The following GPC5 variants were observed in gnomAD, a reference collection of about 807,000 sequenced individuals.
The protein encoded by GPC5 is glypican 5, also known as glypican-5.
In GPC5, 47 loss-of-function variants were observed where a neutral mutation model predicts 53.9. The ratio of observed to expected loss-of-function variants is 0.87; its 90% CI spans 0.69 to 1.11. The LOEUF is 1.11. Ranked by LOEUF, GPC5 falls within the 50% of genes most tolerant of loss-of-function variation. The pLI is 0.00. For synonymous variants in GPC5, 286 were observed against 263.3 expected (o/e 1.09, Z -0.84); for missense variants, 748 against 713.1 (o/e 1.05, Z -0.56).
intron 7 of GPC5, among the ~76,000 whole-genome samples, chr13:92,513,978 T>A (rs574856918): frequency 1.3e-5 from 2 of 152,232 alleles, no homozygotes; most frequent in Admixed American, 1.3e-4. Context: ...TTAAAGCTGC[T>A]CAACTTGTCT....
Position 92,206,461 on chromosome 13 carries a change from T to C in GPC5, c.1561+61472T>C, listed in dbSNP as rs575074574. Among the ~76,000 whole-genome samples, 289 of 151,806 alleles carry C rather than the reference T, an allele frequency of 1.9e-3. 1 individual carries two copies. Among genetic ancestry groups the C allele is most frequent in the African/African-American group, 6.7e-3 (276 of 41,480 alleles). ...AGCTCGGCTCCCAAAGTGCGGTGGC[T>C]GGAATGCAGCCACCGCACCCGGCTG... On this transcript the variant is annotated intron_variant, in intron 7 of 7. Coordinates refer to ENST00000377067, the MANE Select transcript of GPC5 (RefSeq NM_004466.6).
chr13:91,765,311 T>G (rs576439066), intron 5 of GPC5, among the ~76,000 whole-genome samples: 2 of 152,360 alleles, frequency 1.3e-5, no homozygotes, highest in African/African-American at 4.8e-5. Context: ...TGCTTTGTTC[T>G]CTTCAACTTC....
At chr13:92,159,573 T>C (rs574745789) in intron 7 of GPC5, among the ~76,000 whole-genome samples, 1 of 149,544 alleles carries the variant, frequency 6.7e-6, no homozygotes, top group African/African-American at 2.4e-5. Flanking sequence ...CTGCTCTATG[T>C]AATCACTAAT....
At chr13:92,297,832 T>C (rs2043047983) in intron 7 of GPC5, among the ~76,000 whole-genome samples, 1 of 152,058 alleles carries the variant, frequency 6.6e-6, no homozygotes. Context: ...TTGCTCTTGC[T>C]ACTGCTCACT....
At chr13:92,091,811 G>A (rs1420782920) in intron 6 of GPC5, among the ~76,000 whole-genome samples, 1 of 149,608 alleles carries the variant, frequency 6.7e-6, no homozygotes, top group Non-Finnish European at 1.5e-5. Flanking sequence ...TTTAGTCACT[G>A]TAAATCACAA....
At chr13:92,839,263 A>T (rs1878337794) in intron 7 of GPC5, among the ~76,000 whole-genome samples, 1 of 152,204 alleles carries the variant, frequency 6.6e-6, no homozygotes. Context: ...CCTTCTAGTG[A>T]GTCAGAAATA....
At chr13:91,424,918 A>G (rs1006504478) in intron 1 of GPC5, among the ~76,000 whole-genome samples, 1 of 152,208 alleles carries the variant, frequency 6.6e-6, no homozygotes, top group African/African-American at 2.4e-5. Context: ...TGTTGAACCA[A>G]TACAGAATTA....
chr13:91,677,417 C>T (rs1359452798), intron 2 of GPC5, among the ~76,000 whole-genome samples: 1 of 151,948 alleles, frequency 6.6e-6, no homozygotes, highest in Non-Finnish European at 1.5e-5. Context: ...GCTATAAGGC[C>T]ATGATATTTT....
intron 7 of GPC5, among the ~76,000 whole-genome samples, chr13:92,382,201 T>G (rs540327179): frequency 6.6e-6 from 1 of 151,858 alleles, no homozygotes; most frequent in African/African-American, 2.4e-5. Flanking sequence ...TACAATGGAC[T>G]TTGGGGACTT....
intron 7 of GPC5, among the ~76,000 whole-genome samples, chr13:92,847,229 T>C (rs542822138): frequency 5.9e-5 from 9 of 152,296 alleles, no homozygotes; most frequent in African/African-American, 2.2e-4. Flanking sequence ...AAACTTCTGC[T>C]TTGCAAAGAG....
chr13:91,936,638 G>C (rs1372925421), intron 6 of GPC5, among the ~76,000 whole-genome samples: 2 of 151,980 alleles, frequency 1.3e-5, no homozygotes, highest in Non-Finnish European at 2.9e-5. Context: ...CCATTGTTTA[G>C]AGAGAATAGG....
At chr13:92,073,763 G>T (rs1335633641) in intron 6 of GPC5, among the ~76,000 whole-genome samples, 1 of 152,162 alleles carries the variant, frequency 6.6e-6, no homozygotes, top group East Asian at 1.9e-4. Context: ...GAAGTCAGTT[G>T]TAGCCCTGTA....
intron 7 of GPC5, among the ~76,000 whole-genome samples, chr13:92,803,571 T>C (rs538974688): frequency 2.0e-5 from 3 of 152,050 alleles, no homozygotes; most frequent in African/African-American, 7.2e-5. Context: ...GAAATAATTA[T>C]TTATCACCTA....
intron 7 of GPC5, among the ~76,000 whole-genome samples, chr13:92,404,641 T>G (rs1349730353): frequency 7.6e-6 from 1 of 131,546 alleles, no homozygotes; most frequent in African/African-American, 2.9e-5. Context: ...ATGGTTTACA[T>G]TCTTATTCCT....
At chr13:92,819,260 C>A (rs1307566178) in intron 7 of GPC5, among the ~76,000 whole-genome samples, 2 of 149,820 alleles carry the variant, frequency 1.3e-5, no homozygotes, top group Non-Finnish European at 2.9e-5. Flanking sequence ...GTAGAAGATA[C>A]CTAGCACATA....
intron 7 of GPC5, among the ~76,000 whole-genome samples, chr13:92,591,505 A>G (rs911987520): frequency 6.6e-6 from 1 of 152,192 alleles, no homozygotes; most frequent in Non-Finnish European, 1.5e-5. Context: ...ATCATGTACA[A>G]CATAATATTT....
At chr13:91,908,126 T>A (rs1338674781) in intron 6 of GPC5, 69 bp downstream of exon 6, 2 of 1,233,818 alleles carry the variant, frequency 1.6e-6, no homozygotes, top group Admixed American at 5.4e-5. Context: ...TCTGTTATAT[T>A]TGATAAATTT....
intron 1 of GPC5, among the ~76,000 whole-genome samples, chr13:91,427,187 G>A (rs1879117913): frequency 6.6e-6 from 1 of 152,218 alleles, no homozygotes; most frequent in Admixed American, 6.5e-5. Flanking sequence ...GCACTGCCTA[G>A]TGCAGCTGTG....
chr13:91,591,969 T>G (rs1287919843), intron 2 of GPC5, among the ~76,000 whole-genome samples: 1 of 152,220 alleles, frequency 6.6e-6, no homozygotes. Flanking sequence ...TAAGAACCAT[T>G]GCTGGAGAGC....
Sources: allele counts gnomAD v4.1 joint callset (sites outside exome capture counted in the v4.1 genomes callset), GRCh38; gene constraint gnomAD v4.1.1; transcripts MANE v1.5; gene names NCBI Gene and HGNC (gene_info 2026-07-23, HGNC 2026-07-21).